PCDH15: variants seen among roughly 807,000 people sequenced by gnomAD.
PCDH15 encodes the protein protocadherin-15.
PCDH15 carries 129 observed loss-of-function variants against 178.5 expected under a neutral mutation model. The ratio of observed to expected loss-of-function variants is 0.72; its 90% CI spans 0.63 to 0.84. PCDH15 has a LOEUF of 0.84. PCDH15 is among the 40% of genes least tolerant of loss of function. The pLI is 0.00. For synonymous variants in PCDH15, 800 were observed against 732.0 expected, an observed-to-expected ratio of 1.09 and a Z score of -1.50; for missense variants, 2,230 against 2,099.9, an observed-to-expected ratio of 1.06 and a Z score of -1.21.
rs534555454 is a variant in PCDH15 at position 55,358,469 on chromosome 10, T to A, written c.-155-191818A>T. On this transcript the variant is annotated intron_variant, in intron 2 of 5. Coordinates refer to the PCDH15 transcript ENST00000613346. ...CTTCTAATTTGTCTTTGGTATCAGA[T>A]GGTATTACACTCACAATACTTAGTT... is the stretch of plus-strand genomic sequence containing the variant. 5.3e-5 allele frequency among the ~76,000 whole-genome samples: 8 copies of A among 152,198 alleles called. 1 individual carries two copies. The highest frequency in any genetic ancestry group is 1.9e-4 in the African/African-American group (8 of 41,560).
chr10:54,715,387 A>G (rs1310754880), intron 1 of PCDH15, among the ~76,000 whole-genome samples: 1 of 152,158 alleles, frequency 6.6e-6, no homozygotes, highest in African/African-American at 2.4e-5. Flanking sequence ...GAAACAGTCA[A>G]AATGGCGGGT....
intron 2 of PCDH15, among the ~76,000 whole-genome samples, chr10:55,030,037 T>C (rs1473710422): frequency 6.6e-6 from 1 of 152,136 alleles, no homozygotes; most frequent in African/African-American, 2.4e-5. Context: ...CTTTAAGAAA[T>C]TGATGGAATA....
At chr10:53,888,321 C>CATATATATAA (rs1564691134) in intron 26 of PCDH15, among the ~76,000 whole-genome samples, 1 of 26,350 alleles carries the variant, frequency 3.8e-5, no homozygotes, top group African/African-American at 1.4e-4. Context: ...TATATATGTA[C>CATATATATAA]GTATATATAT....
At chr10:55,306,082 G>A (rs989847306) in intron 1 of PCDH15, among the ~76,000 whole-genome samples, 4 of 152,046 alleles carry the variant, frequency 2.6e-5, no homozygotes, top group African/African-American at 9.7e-5. Flanking sequence ...AAATGTAAAT[G>A]GTAGACCCAC....
At chr10:54,870,582 G>C (rs1388331986) in intron 3 of PCDH15, among the ~76,000 whole-genome samples, 1 of 151,920 alleles carries the variant, frequency 6.6e-6, no homozygotes, top group African/African-American at 2.4e-5. Flanking sequence ...TCAGGAGATC[G>C]AGCCCATCCT....
At chr10:54,528,773 G>A (rs2083611744) in intron 2 of PCDH15, among the ~76,000 whole-genome samples, 1 of 152,022 alleles carries the variant, frequency 6.6e-6, no homozygotes, top group African/African-American at 2.4e-5. Flanking sequence ...CTGTCAATCA[G>A]TAGTGATGAT....
At chr10:54,305,159 C>G (rs1404493347) in intron 8 of PCDH15, among the ~76,000 whole-genome samples, 3 of 151,948 alleles carry the variant, frequency 2.0e-5, no homozygotes, top group Non-Finnish European at 4.4e-5. Context: ...ATCTTTTAGC[C>G]ACACATAAGC....
At chr10:55,159,567 T>C (rs1591953152) in intron 2 of PCDH15, among the ~76,000 whole-genome samples, 1 of 148,920 alleles carries the variant, frequency 6.7e-6, no homozygotes, top group South Asian at 2.1e-4. Flanking sequence ...ACCTGGTAAA[T>C]TTATTGAGAG....
chr10:53,846,374 A>T (rs989097302), intron 28 of PCDH15, among the ~76,000 whole-genome samples: 2 of 151,952 alleles, frequency 1.3e-5, no homozygotes, highest in African/African-American at 4.8e-5. Context: ...AAAAGTTTTA[A>T]AAACAGAAAA....
At chr10:54,656,830 C>A (rs550750681) in intron 2 of PCDH15, among the ~76,000 whole-genome samples, 2 of 152,204 alleles carry the variant, frequency 1.3e-5, no homozygotes, top group African/African-American at 4.8e-5. Context: ...GCACCGGCAG[C>A]CGGGAATGGA....
At chr10:54,142,007 T>C (rs928882703) in intron 14 of PCDH15, among the ~76,000 whole-genome samples, 5 of 152,066 alleles carry the variant, frequency 3.3e-5, no homozygotes, top group Non-Finnish European at 7.3e-5. Flanking sequence ...CATTTGCCAT[T>C]TTTCAATAAT....
At position 55,219,417 on chromosome 10, in the gene PCDH15, C is replaced by G. The variant is rs200560230; in HGVS notation, c.-155-52766G>C. 2.6e-5 allele frequency among the ~76,000 whole-genome samples: 4 copies of G among 151,864 alleles called. No homozygotes were observed. In the East Asian group the frequency reaches 5.8e-4, roughly 22 times the overall value. On this transcript the variant is annotated intron_variant, in intron 1 of 5. Coordinates refer to the PCDH15 transcript ENST00000458638. ...TGAATCATTACAACATTAAGGATGG[C>G]TATATTTTTATTTATGGTCAGATAT...
intron 2 of PCDH15, among the ~76,000 whole-genome samples, chr10:54,614,180 A>C (rs531924135): frequency 6.6e-6 from 1 of 152,088 alleles, no homozygotes; most frequent in East Asian, 1.9e-4. Flanking sequence ...TATAACAATA[A>C]AAATCCTAAA....
chr10:54,061,943 G>T (rs1346653828), intron 18 of PCDH15, among the ~76,000 whole-genome samples: 3 of 152,020 alleles, frequency 2.0e-5, no homozygotes, highest in Middle Eastern at 3.4e-3. Flanking sequence ...AACTAAATGA[G>T]GCCGGGTGTG....
At chr10:54,216,219 G>T (rs2134134040) in intron 9 of PCDH15, among the ~76,000 whole-genome samples, 1 of 152,220 alleles carries the variant, frequency 6.6e-6, no homozygotes, top group African/African-American at 2.4e-5. Context: ...ACTTTGGGAG[G>T]CTGAGGTGGG....
chr10:55,265,063 C>T (rs957999375), intron 1 of PCDH15, among the ~76,000 whole-genome samples: 7 of 151,984 alleles, frequency 4.6e-5, no homozygotes, highest in Non-Finnish European at 8.8e-5. Context: ...TCCTCTGGGT[C>T]CACCCTGACT....
chr10:54,942,390 C>T (rs1838085759), intron 2 of PCDH15, among the ~76,000 whole-genome samples: 1 of 151,910 alleles, frequency 6.6e-6, no homozygotes, highest in East Asian at 1.9e-4. Flanking sequence ...TATCCAGAGA[C>T]TTTAAATTGT....
intron 3 of PCDH15, among the ~76,000 whole-genome samples, chr10:54,816,507 A>T (rs1952952014): frequency 1.3e-5 from 2 of 152,080 alleles, no homozygotes; most frequent in Admixed American, 1.3e-4. Flanking sequence ...TGTTGCCATG[A>T]TGCCTTTTCC....
chr10:53,949,722 T>C (rs185364441), intron 23 of PCDH15, among the ~76,000 whole-genome samples: 24 of 149,502 alleles, frequency 1.6e-4, no homozygotes, highest in African/African-American at 5.4e-4. Context: ...AGATCTTGTC[T>C]CTAAAAAGAA....
Sources: allele counts gnomAD v4.1 joint callset (sites outside exome capture counted in the v4.1 genomes callset), GRCh38; gene constraint gnomAD v4.1.1; transcripts MANE v1.5; gene names NCBI Gene and HGNC (gene_info 2026-07-23, HGNC 2026-07-21).